FHOD3: variants seen among roughly 807,000 people sequenced by gnomAD.
FHOD3 encodes the protein formin homology 2 domain containing 3, also known as FH1/FH2 domain-containing protein 3.
Under a neutral mutation model 173.0 loss-of-function variants are expected in FHOD3, and 90 were observed. The ratio of observed to expected loss-of-function variants is 0.52; its 90% CI spans 0.44 to 0.62. The LOEUF (loss-of-function observed/expected upper bound fraction) is 0.62, where lower values mean the gene tolerates loss of function less well. Ranked by LOEUF, FHOD3 falls within the 20% of genes least tolerant of loss-of-function variation. The probability of loss-of-function intolerance (pLI) is 0.00; values close to 1 mark genes in which losing one functional copy is unlikely to be tolerated. For synonymous variants in FHOD3, 828 were observed against 823.0 expected, an observed-to-expected ratio of 1.01 and a Z score of -0.10; for missense variants, 1,945 against 2,034.7, an observed-to-expected ratio of 0.96 and a Z score of 0.85.
At chr18:36,316,863 C>T (rs2144823811) in intron 1 of FHOD3, among the ~76,000 whole-genome samples, 1 of 152,178 alleles carries the variant, frequency 6.6e-6, no homozygotes, top group African/African-American at 2.4e-5. Flanking sequence ...CTAATGCTAT[C>T]CCTCCCACAG....
At chr18:36,724,574 A>T (rs187000290) in intron 19 of FHOD3, among the ~76,000 whole-genome samples, 1 of 152,296 alleles carries the variant, frequency 6.6e-6, no homozygotes. Flanking sequence ...AGCTGGACCC[A>T]GTCCCTGAGT....
chr18:36,476,892 G>A (rs1283966776), intron 3 of FHOD3, among the ~76,000 whole-genome samples: 1 of 152,170 alleles, frequency 6.6e-6, no homozygotes, highest in African/African-American at 2.4e-5. Flanking sequence ...GCTGGAATAT[G>A]GAAGAAGCAT....
At chr18:36,722,762 C>G (rs966762920) in intron 19 of FHOD3, among the ~76,000 whole-genome samples, 1 of 152,090 alleles carries the variant, frequency 6.6e-6, no homozygotes, top group Non-Finnish European at 1.5e-5. Context: ...CAGGGACTCT[C>G]AAGTACAACC....
intron 8 of FHOD3, among the ~76,000 whole-genome samples, chr18:36,604,017 C>T (rs148118936): frequency 5.6e-4 from 86 of 152,310 alleles, no homozygotes; most frequent in Non-Finnish European, 9.0e-4. Flanking sequence ...CCTCCTGTTG[C>T]GTCCCTCCCT....
chr18:36,469,567 A>G (rs1599260995), intron 3 of FHOD3, among the ~76,000 whole-genome samples: 1 of 152,184 alleles, frequency 6.6e-6, no homozygotes, highest in East Asian at 1.9e-4. Flanking sequence ...ATGAAAACCC[A>G]ACTGCTTCAT....
At chr18:36,465,084 T>C (rs553567491) in intron 3 of FHOD3, among the ~76,000 whole-genome samples, 1 of 152,190 alleles carries the variant, frequency 6.6e-6, no homozygotes, top group South Asian at 2.1e-4. Flanking sequence ...TCCCAGCACT[T>C]TGGGAGGCTG....
intron 5 of FHOD3, among the ~76,000 whole-genome samples, chr18:36,528,726 T>C (rs1253691391): frequency 6.6e-6 from 1 of 152,240 alleles, no homozygotes; most frequent in East Asian, 1.9e-4. Flanking sequence ...TGTTAATTAA[T>C]CTTCTTATGG....
At chr18:36,458,108 T>C (rs1377170763) in intron 3 of FHOD3, among the ~76,000 whole-genome samples, 1 of 152,106 alleles carries the variant, frequency 6.6e-6, no homozygotes, top group African/African-American at 2.4e-5. Flanking sequence ...CCCACCTATA[T>C]CAGAAAGGGT....
chr18:36,446,770 G>T (rs1264503343), intron 3 of FHOD3, among the ~76,000 whole-genome samples: 1 of 152,142 alleles, frequency 6.6e-6, no homozygotes, highest in Non-Finnish European at 1.5e-5. Flanking sequence ...GTGCAAATCA[G>T]TGCTTTAATA....
chr18:36,743,604 G>T (rs530636583), intron 22 of FHOD3, among the ~76,000 whole-genome samples: 1 of 152,182 alleles, frequency 6.6e-6, no homozygotes, highest in East Asian at 1.9e-4. Context: ...TGGTAAACAT[G>T]TGCCCTGGTA....
At chr18:36,541,846 A>C (rs1000317058) in intron 5 of FHOD3, among the ~76,000 whole-genome samples, 2 of 152,232 alleles carry the variant, frequency 1.3e-5, no homozygotes, top group African/African-American at 2.4e-5. Flanking sequence ...TCTCCAGCTT[A>C]TCCCCCTTGA....
intron 18 of FHOD3, among the ~76,000 whole-genome samples, chr18:36,713,799 T>G (rs999625250): frequency 6.6e-6 from 1 of 151,462 alleles, no homozygotes; most frequent in Non-Finnish European, 1.5e-5. Context: ...TTTGTTAAAG[T>G]AAAAAAAAGT....
intron 6 of FHOD3, 126 bp from the exon 7 acceptor site, chr18:36,594,661 G>C: frequency 1.6e-6 from 1 of 630,188 alleles, no homozygotes; most frequent in Non-Finnish European, 2.9e-6. Flanking sequence ...ATCTGTGAAG[G>C]AATCTGTGTA....
intron 6 of FHOD3, among the ~76,000 whole-genome samples, chr18:36,590,753 G>C (rs766947855): frequency 1.4e-4 from 21 of 152,182 alleles, no homozygotes; most frequent in Non-Finnish European, 2.6e-4. Flanking sequence ...ACAGAGGAGA[G>C]AAAGACAGGA....
At chr18:36,671,734 C>T (rs1050254938) in intron 14 of FHOD3, among the ~76,000 whole-genome samples, 3 of 152,212 alleles carry the variant, frequency 2.0e-5, no homozygotes, top group African/African-American at 7.2e-5. Context: ...AAGTAGACAA[C>T]AAAATTCAGT....
chr18:36,436,692 T>G (rs2050827047), intron 3 of FHOD3, among the ~76,000 whole-genome samples: 1 of 152,200 alleles, frequency 6.6e-6, no homozygotes, highest in Non-Finnish European at 1.5e-5. Context: ...GTTTAGGAAA[T>G]GTATGGTAGT....
intron 4 of FHOD3, among the ~76,000 whole-genome samples, chr18:36,511,090 T>C (rs2055613515): frequency 6.6e-6 from 1 of 152,266 alleles, no homozygotes; most frequent in African/African-American, 2.4e-5. Flanking sequence ...CCATGGTTGC[T>C]GACTTTTCCT....
At chr18:36,477,594 C>CCTACCTACCTACCTAT (rs2053659068) in intron 3 of FHOD3, among the ~76,000 whole-genome samples, 1 of 118,540 alleles carries the variant, frequency 8.4e-6, no homozygotes, top group Non-Finnish European at 1.8e-5. Flanking sequence ...TACCTACCTA[C>CCTACCTACCTACCTAT]CTACCTATCT....
chr18:36,681,422 C>G lies in FHOD3; in HGVS notation c.1836-14C>G. ...AGGCCAAGCAACTGAAACATTAACT[C>G]ATTGTATCTCCAGGTCATCACCGAG... On this transcript the variant is annotated splice_polypyrimidine_tract_variant and intron_variant, in intron 14 of 28. Coordinates refer to ENST00000590592, the MANE Select transcript of FHOD3 (RefSeq NM_001281740.3). 1 of 1,613,374 alleles carries G rather than the reference C, an allele frequency of 6.2e-7. No individual in the cohort carries two copies. Among genetic ancestry groups the G allele is most frequent in the South Asian group, 1.1e-5 (1 of 90,956 alleles).
Sources: gnomAD v4.1 joint callset for allele counts (sites outside exome capture counted in the v4.1 genomes callset) on GRCh38, gnomAD v4.1.1 for gene constraint, MANE v1.5 for transcripts, NCBI Gene and HGNC (gene_info 2026-07-23, HGNC 2026-07-21) for gene names.